LTBP2: variants seen among roughly 807,000 people sequenced by gnomAD.
LTBP2 encodes the protein latent-transforming growth factor beta-binding protein 2.
LTBP2 carries 103 observed loss-of-function variants against 210.6 expected under a neutral mutation model. The ratio of observed to expected loss-of-function variants is 0.49; its 90% CI spans 0.42 to 0.58. LTBP2 has a LOEUF of 0.58. Ranked by LOEUF, LTBP2 falls within the 20% of genes least tolerant of loss-of-function variation. The pLI, the probability that LTBP2 is intolerant of heterozygous loss-of-function variation, is 0.00. For missense variants in LTBP2, 2,313 were observed against 2,494.5 expected, an observed-to-expected ratio of 0.93 and a Z score of 1.55; for synonymous variants, 1,007 against 1,015.0, an observed-to-expected ratio of 0.99 and a Z score of 0.15.
rs759690838 is a variant in LTBP2, at chr14:74,551,089, C to T, written c.1661G>A (p.Cys554Tyr). 10 of 1,613,810 alleles carry T rather than the reference C, an allele frequency of 6.2e-6. No individual in the cohort carries two copies. The South Asian group carries it at 9.9e-5, about 16-fold the overall frequency. ...CTGTCCGTTCACAGTGTTCAGGTAA[C>T]ACCGGCCCAGCAGTCCTCGAGGCCT... The part of the protein sequence containing the change: ...APRPRGLLGR[C>Y]YLNTVNGQCA... The change falls in exon 7 of 36, where the codon TGT (cysteine) becomes TAT (tyrosine). Residue 554 changes from cysteine to tyrosine, a missense_variant. Physicochemically the swap from Cys to Tyr is radical, Grantham distance 194. Around this residue, in one of 3 missense-constraint regions of LTBP2, gnomAD observed 1,867 missense variants for 1,976.9 expected, o/e 0.94. Transcript: ENST00000261978.
In LTBP2 at chr14:74,528,968, C is replaced by T; in HGVS notation, c.2142G>A (p.Leu714=). The T allele has an allele frequency of 6.2e-7, 1 of 1,611,240 alleles. No homozygotes were observed. The highest frequency in any genetic ancestry group is 8.5e-7 in the Non-Finnish European group (1 of 1,179,214). ...AWGSECEKCP[L]PGTEAFREIC... ...GGAACAGGAGGTTACCTGTGCCAGG[C>T]AGAGGGCATTTCTCACACTCGCTGC... The change falls in exon 11 of 36, where the codon CTG becomes CTA. Residue 714 remains leucine (L), a synonymous_variant. Transcript: ENST00000261978.
At chr14:74,536,531 A>G (rs1425132935) in intron 8 of LTBP2, among the ~76,000 whole-genome samples, 4 of 152,330 alleles carry the variant, frequency 2.6e-5, no homozygotes, top group South Asian at 4.1e-4. Flanking sequence ...CCACTTTACA[A>G]TGTATACTTA....
At chr14:74,598,940 G>C (rs1423172473) in intron 2 of LTBP2, among the ~76,000 whole-genome samples, 1 of 152,134 alleles carries the variant, frequency 6.6e-6, no homozygotes, top group Non-Finnish European at 1.5e-5. Flanking sequence ...AGTCTCAGAG[G>C]CATGACTCGG....
At chr14:74,584,158 G>A (rs2088173964) in intron 3 of LTBP2, among the ~76,000 whole-genome samples, 1 of 152,210 alleles carries the variant, frequency 6.6e-6, no homozygotes, top group South Asian at 2.1e-4. Flanking sequence ...TGGGGGTGCA[G>A]GGCGCAGATG....
chr14:74,555,795 G>A, intron 3 of LTBP2, 102 bp from the exon 4 acceptor site: 1 of 845,616 alleles, frequency 1.2e-6, no homozygotes, highest in Non-Finnish European at 1.7e-6. Flanking sequence ...CAAGAAAAAT[G>A]CTCTCTGGCT....
At chr14:74,513,996 A>C (rs1257332253) in intron 18 of LTBP2, among the ~76,000 whole-genome samples, 2 of 152,208 alleles carry the variant, frequency 1.3e-5, no homozygotes, top group Non-Finnish European at 2.9e-5. Flanking sequence ...CTCATTCTCC[A>C]CCCGAGCCAG....
chr14:74,572,210 C>G (rs955405030), intron 3 of LTBP2, among the ~76,000 whole-genome samples: 1 of 152,104 alleles, frequency 6.6e-6, no homozygotes, highest in African/African-American at 2.4e-5. Context: ...AATCCATTTT[C>G]CCCTTCTAAT....
chr14:74,562,748 CA>C (rs1308482047), intron 3 of LTBP2, among the ~76,000 whole-genome samples: 2 of 152,066 alleles, frequency 1.3e-5, no homozygotes, highest in African/African-American at 4.8e-5. Flanking sequence ...GAAAAAAACC[CA>C]AAGGTTTAAT....
In LTBP2 at chr14:74,543,153, C is replaced by A. The variant is rs1030039503; in HGVS notation, c.1789+6710G>T. 2.6e-5 allele frequency among the ~76,000 whole-genome samples: 4 copies of A among 151,854 alleles called. No homozygotes were observed. The East Asian group carries it at 7.9e-4, about 30-fold the overall frequency. The stretch of plus-strand genomic sequence containing the variant: ...CAGCACTTTGGGAGGCCAAGGCAGG[C>A]AGATCACGAGGTCGGGAGATTGAGA... On this transcript the variant is annotated intron_variant, in intron 8 of 35. Coordinates refer to ENST00000261978, the MANE Select transcript of LTBP2 (RefSeq NM_000428.3).
chr14:74,589,541 G>A (rs1267638726), intron 2 of LTBP2, among the ~76,000 whole-genome samples: 1 of 152,180 alleles, frequency 6.6e-6, no homozygotes, highest in Non-Finnish European at 1.5e-5. Context: ...AGGCCTCTAG[G>A]TAAAACCATG....
At chr14:74,525,941 G>T in intron 14 of LTBP2, 134 bp downstream of exon 14, 1 of 966,162 alleles carries the variant, frequency 1.0e-6, no homozygotes, top group Non-Finnish European at 1.6e-6. Flanking sequence ...AGCACTCACA[G>T]GCCACGTCCT....
chr14:74,568,294 C>T (rs1488866868), intron 3 of LTBP2, among the ~76,000 whole-genome samples: 1 of 152,164 alleles, frequency 6.6e-6, no homozygotes, highest in Non-Finnish European at 1.5e-5. Flanking sequence ...CATTTCATAA[C>T]AATCCAAGAG....
chr14:74,609,909 C>T (rs968806371), intron 1 of LTBP2, among the ~76,000 whole-genome samples: 1 of 152,250 alleles, frequency 6.6e-6, no homozygotes, highest in Admixed American at 6.5e-5. Context: ...CATTCACTTG[C>T]ACAGATCAGG....
At chr14:74,609,759 T>C (rs1301502076) in intron 1 of LTBP2, among the ~76,000 whole-genome samples, 1 of 152,232 alleles carries the variant, frequency 6.6e-6, no homozygotes, top group Non-Finnish European at 1.5e-5. Context: ...AACAGGAACC[T>C]TCCAGTACTA....
At chr14:74,566,958 A>C (rs951373083) in intron 3 of LTBP2, among the ~76,000 whole-genome samples, 1 of 152,198 alleles carries the variant, frequency 6.6e-6, no homozygotes, top group Non-Finnish European at 1.5e-5. Context: ...TCCCCAGCAC[A>C]CAGACCCCAG....
At chr14:74,581,628 A>G (rs2088137953) in intron 3 of LTBP2, among the ~76,000 whole-genome samples, 1 of 152,192 alleles carries the variant, frequency 6.6e-6, no homozygotes, top group African/African-American at 2.4e-5. Context: ...CAAGGGACTG[A>G]ATTCTGCAGA....
In LTBP2 at chr14:74,595,544, A is replaced by AG. The variant is rs141320743; in HGVS notation, c.565+8090dup. Among the ~76,000 whole-genome samples, 909 of 152,316 alleles carry AG rather than the reference A, an allele frequency of 6.0e-3. 10 individuals are homozygous for AG. The highest frequency in any genetic ancestry group is 0.021 in the African/African-American group (869 of 41,576). On this transcript the variant is annotated intron_variant, in intron 2 of 35. Transcript: ENST00000261978. ...AGTCTTTTCCAGAGAAGCAGCTTCC[A>AG]GGGGAGACAGTTCTAGGCTGGAGTG...
In LTBP2 at chr14:74,612,098, C is replaced by G; in HGVS notation, c.-154G>C. On this transcript the variant is annotated 5_prime_UTR_variant, in exon 1 of 36. Coordinates refer to ENST00000261978, the MANE Select transcript of LTBP2 (RefSeq NM_000428.3). ...GAAGCGGCCGACTGGGGGCCCGGCT[C>G]TCGGCGGAACGAGGGCTGCGCGCCC... 1.3e-6 allele frequency: 1 copy of G among 771,846 alleles called. No individual in the cohort carries two copies. Among genetic ancestry groups the G allele is most frequent in the Non-Finnish European group, 1.9e-6 (1 of 525,586 alleles). The allele number at this position is 771,846 out of a possible 1,614,324, so 47.8% of individuals were successfully genotyped here. A position where few individuals can be genotyped will look rare whatever the true frequency, so the allele number is the denominator to read the frequency against.
intron 9 of LTBP2, 118 bp from the exon 10 acceptor site, chr14:74,532,666 A>G (rs1041047045): frequency 6.7e-6 from 8 of 1,199,068 alleles, no homozygotes; most frequent in Non-Finnish European, 9.6e-6. Flanking sequence ...AAGAGCTGCT[A>G]TGTATTCAGT....
Sources: gnomAD v4.1 joint callset for allele counts (sites outside exome capture counted in the v4.1 genomes callset) on GRCh38, gnomAD v4.1.1 for gene constraint, gnomAD v4.1.1 regional missense constraint, MANE v1.5 for transcripts, NCBI Gene and HGNC (gene_info 2026-07-23, HGNC 2026-07-21) for gene names.